The following FGF14 variants were observed in gnomAD, a reference collection of about 807,000 sequenced individuals.
The protein encoded by FGF14 is fibroblast growth factor 14, also known as fibroblast growth factor homologous factor 4.
A neutral mutation model predicts 25.5 loss-of-function variants in FGF14; 5 were observed. The observed-to-expected ratio is 0.20, with a 90% CI of 0.10 to 0.41. The LOEUF is 0.41. Ranked by LOEUF, FGF14 falls within the 10% of genes least tolerant of loss-of-function variation. The probability of loss-of-function intolerance (pLI) is 1.00; values close to 1 mark genes in which losing one functional copy is unlikely to be tolerated. For synonymous variants in FGF14, 138 were observed against 118.3 expected, an observed-to-expected ratio of 1.17 and a Z score of -1.08; for missense variants, 222 against 320.1, an observed-to-expected ratio of 0.69 and a Z score of 2.34.
At chr13:101,761,816 G>A (rs2038048160) in intron 3 of FGF14, among the ~76,000 whole-genome samples, 1 of 152,082 alleles carries the variant, frequency 6.6e-6, no homozygotes, top group East Asian at 1.9e-4. Context: ...CTCACTAATG[G>A]CAGTTGGGTA....
chr13:101,747,365 A>C (rs1453117764), intron 3 of FGF14, among the ~76,000 whole-genome samples: 1 of 152,058 alleles, frequency 6.6e-6, no homozygotes, highest in Admixed American at 6.6e-5. Context: ...CCTGCCCTCA[A>C]GGAAGTTTAC....
intron 1 of FGF14, among the ~76,000 whole-genome samples, chr13:101,879,898 T>C (rs1016077487): frequency 6.6e-6 from 1 of 152,136 alleles, no homozygotes; most frequent in Non-Finnish European, 1.5e-5. Flanking sequence ...ATATATATTA[T>C]CATATAATCC....
intron 1 of FGF14, among the ~76,000 whole-genome samples, chr13:102,152,395 C>T (rs2047125849): frequency 6.6e-6 from 1 of 152,094 alleles, no homozygotes; most frequent in East Asian, 1.9e-4. Flanking sequence ...CTGAAGCTTC[C>T]CTCCTTGGTT....
chr13:101,814,622 A>C (rs2041741405), intron 3 of FGF14, among the ~76,000 whole-genome samples: 1 of 152,150 alleles, frequency 6.6e-6, no homozygotes. Flanking sequence ...ATGGTTTCTG[A>C]GTCTGTAATT....
chr13:101,924,997 A>G lies in FGF14; in HGVS notation c.209-49701T>C, dbSNP rs534480889. Among the ~76,000 whole-genome samples, 13 of 152,306 alleles carry G rather than the reference A, an allele frequency of 8.5e-5. No homozygotes were observed. In the East Asian group the frequency reaches 2.5e-3, roughly 29 times the overall value. On this transcript the variant is annotated intron_variant, in intron 1 of 4. Transcript: ENST00000376131. ...AAAAAAGGTGTGCATGTGCATGTTG[A>G]TAACACCAGGGTTCACAATTTTTAT...
intron 1 of FGF14, among the ~76,000 whole-genome samples, chr13:102,397,223 A>C (rs1696909997): frequency 6.6e-6 from 1 of 152,180 alleles, no homozygotes. Context: ...TAAAGCAAGT[A>C]GCTTTTTAAA....
At chr13:102,370,079 C>A (rs1594970626) in intron 1 of FGF14, among the ~76,000 whole-genome samples, 2 of 152,128 alleles carry the variant, frequency 1.3e-5, no homozygotes, top group African/African-American at 4.8e-5. Flanking sequence ...GCACCCTCAA[C>A]TACCCAGGCT....
intron 1 of FGF14, among the ~76,000 whole-genome samples, chr13:102,118,922 T>TTCTTGTCTGCTTTTCTCC (rs2045594281): frequency 6.6e-6 from 1 of 152,182 alleles, no homozygotes. Flanking sequence ...TGCCTTTACC[T>TTCTTGTCTGCTTTTCTCC]TTACGTTGCT....
chr13:102,125,332 G>GA (rs1193385709), intron 1 of FGF14, among the ~76,000 whole-genome samples: 1 of 151,924 alleles, frequency 6.6e-6, no homozygotes, highest in Non-Finnish European at 1.5e-5. Context: ...CATATTCATA[G>GA]AAAAAAGAAA....
At chr13:102,316,795 G>A (rs971021896) in intron 1 of FGF14, among the ~76,000 whole-genome samples, 8 of 151,896 alleles carry the variant, frequency 5.3e-5, no homozygotes, top group African/African-American at 1.9e-4. Context: ...CTTTTTGCAC[G>A]GTTAATCATA....
chr13:102,311,955 A>G (rs1354052754), intron 1 of FGF14, among the ~76,000 whole-genome samples: 1 of 152,194 alleles, frequency 6.6e-6, no homozygotes, highest in Non-Finnish European at 1.5e-5. Context: ...CATTTGTTCA[A>G]TTTGGCCCAC....
At chr13:101,833,160 AC>A (rs1230004017) in intron 3 of FGF14, among the ~76,000 whole-genome samples, 1 of 151,944 alleles carries the variant, frequency 6.6e-6, no homozygotes. Context: ...TGCAGTGCAT[AC>A]CCCATTCTGC....
rs2034889558 is a variant in FGF14 at position 101,720,414 on chromosome 13, A to AGTC, written c.*2414_*2416dup. ...AGAGATACACATTTACATAAATCTCAGTCATTTACAAAAATAAATCTTGTC... is the reference window on the plus strand; with the variant it reads ...AGAGATACACATTTACATAAATCTCAGTCGTCATTTACAAAAATAAATCTTGTC... On this transcript the variant is annotated 3_prime_UTR_variant, in exon 5 of 5. Transcript: ENST00000376143. 1 of 152,138 alleles carries AGTC rather than the reference A, an allele frequency of 6.6e-6. No individual in the cohort carries two copies. The highest frequency in any genetic ancestry group is 1.9e-4 in the East Asian group (1 of 5,188). The allele number at this position is 152,138 out of a possible 1,614,324, so 9.4% of individuals were successfully genotyped here.
chr13:101,888,301 T>C (rs2046096325), intron 1 of FGF14, among the ~76,000 whole-genome samples: 1 of 147,154 alleles, frequency 6.8e-6, no homozygotes, highest in Non-Finnish European at 1.5e-5. Context: ...ACTCAATAGA[T>C]GATTGGTAAA....
chr13:102,267,982 TATAAATAG>T (rs1166185347), intron 1 of FGF14, among the ~76,000 whole-genome samples: 5 of 152,094 alleles, frequency 3.3e-5, no homozygotes, highest in Non-Finnish European at 5.9e-5. Context: ...TCAATTTAGC[TATAAATAG>T]ATAAGAAGGA....
At chr13:102,375,984 T>C (rs1310543431) in intron 1 of FGF14, among the ~76,000 whole-genome samples, 3 of 152,166 alleles carry the variant, frequency 2.0e-5, no homozygotes, top group Non-Finnish European at 4.4e-5. Context: ...CACATTGACA[T>C]CGAAATTTTA....
At chr13:102,311,582 C>A (rs532257713) in intron 1 of FGF14, among the ~76,000 whole-genome samples, 1 of 151,744 alleles carries the variant, frequency 6.6e-6, no homozygotes, top group Non-Finnish European at 1.5e-5. Context: ...ACTACCAGAA[C>A]CAAAAATAAA....
chr13:102,301,826 T>TCACACACACACACACACA (rs3066038), intron 1 of FGF14, among the ~76,000 whole-genome samples: 98 of 140,072 alleles, frequency 7.0e-4, no homozygotes, highest in Admixed American at 1.7e-3. Context: ...TTCCTGTACT[T>TCACACACACACACACACA]CACACACACA....
At chr13:102,091,992 ATAAGTT>A in intron 1 of FGF14, among the ~76,000 whole-genome samples, 1 of 152,192 alleles carries the variant, frequency 6.6e-6, no homozygotes, top group Non-Finnish European at 1.5e-5. Context: ...AGGCCTGGTG[ATAAGTT>A]TATATATATG....
Sources: gnomAD v4.1 joint callset for allele counts (sites outside exome capture counted in the v4.1 genomes callset) on GRCh38, gnomAD v4.1.1 for gene constraint, MANE v1.5 for transcripts, NCBI Gene and HGNC (gene_info 2026-07-23, HGNC 2026-07-21) for gene names.